LDB2: variants seen among roughly 807,000 people sequenced by gnomAD.
LDB2 encodes LIM domain binding 2, also known as LIM domain-binding protein 2.
LDB2 carries 12 observed loss-of-function variants against 44.3 expected under a neutral mutation model. That is an observed-to-expected ratio of 0.27 (90% confidence interval 0.17 to 0.44). LDB2 has a LOEUF of 0.44. Among genes scored for constraint, LDB2 ranks in the 20% least tolerant of loss-of-function variants. The pLI, the probability that LDB2 is intolerant of heterozygous loss-of-function variation, is 1.00. For missense variants in LDB2, 344 were observed against 473.5 expected, an observed-to-expected ratio of 0.73 and a Z score of 2.54; for synonymous variants, 164 against 174.8, an observed-to-expected ratio of 0.94 and a Z score of 0.49.
intron 1 of LDB2, among the ~76,000 whole-genome samples, chr4:16,790,861 A>G (rs1439341429): frequency 6.6e-6 from 1 of 152,202 alleles, no homozygotes; most frequent in Non-Finnish European, 1.5e-5. Context: ...AACCCAAAGC[A>G]ATGTGTGAAA....
At chr4:16,561,468 A>G (rs1222238999) in intron 5 of LDB2, among the ~76,000 whole-genome samples, 6 of 152,236 alleles carry the variant, frequency 3.9e-5, no homozygotes, top group Admixed American at 2.0e-4. Flanking sequence ...CCCATTCACA[A>G]TTGCCTCAAA....
At chr4:16,790,601 G>A (rs188640654) in intron 1 of LDB2, among the ~76,000 whole-genome samples, 1,784 of 152,184 alleles carry the variant, frequency 0.012, 42 homozygotes, top group African/African-American at 0.04. Flanking sequence ...CTAAGGATGC[G>A]TTTTTCAGAA....
intron 2 of LDB2, among the ~76,000 whole-genome samples, chr4:16,676,932 G>T (rs1330151278): frequency 2.0e-5 from 3 of 152,186 alleles, no homozygotes; most frequent in Admixed American, 1.3e-4. Flanking sequence ...GTGCCAGATG[G>T]TGAGGCCAGA....
At chr4:16,643,310 T>G (rs1463401859) in intron 2 of LDB2, among the ~76,000 whole-genome samples, 1 of 152,220 alleles carries the variant, frequency 6.6e-6, no homozygotes, top group Admixed American at 6.5e-5. Context: ...TAGCTGTATG[T>G]TCTTCAAAAA....
intron 1 of LDB2, among the ~76,000 whole-genome samples, chr4:16,810,153 C>T (rs903006299): frequency 6.6e-6 from 1 of 152,144 alleles, no homozygotes; most frequent in African/African-American, 2.4e-5. Context: ...TTCTTCCTTG[C>T]TGTCAAATGC....
At chr4:16,608,332 G>C (rs1173764703) in intron 2 of LDB2, among the ~76,000 whole-genome samples, 1 of 152,156 alleles carries the variant, frequency 6.6e-6, no homozygotes, top group Admixed American at 6.5e-5. Context: ...CATTCCTCGG[G>C]AGTCCACAGG....
chr4:16,547,230 GA>G (rs1736072725), intron 5 of LDB2, among the ~76,000 whole-genome samples: 2 of 152,176 alleles, frequency 1.3e-5, no homozygotes, highest in Admixed American at 1.3e-4. Context: ...ACAAGTTCAG[GA>G]GTGCCCTCAG....
At chr4:16,616,057 C>T (rs1182947476) in intron 2 of LDB2, among the ~76,000 whole-genome samples, 1 of 152,162 alleles carries the variant, frequency 6.6e-6, no homozygotes, top group Admixed American at 6.5e-5. Flanking sequence ...GCGAACTCTA[C>T]CCCCTTACCC....
intron 1 of LDB2, among the ~76,000 whole-genome samples, chr4:16,829,224 A>G (rs1237937678): frequency 2.0e-5 from 3 of 152,316 alleles, no homozygotes; most frequent in East Asian, 3.9e-4. Context: ...TACCCAGTCA[A>G]TCGGTGGTGA....
At chr4:16,709,128 T>G (rs1398408627) in intron 2 of LDB2, among the ~76,000 whole-genome samples, 1 of 152,170 alleles carries the variant, frequency 6.6e-6, no homozygotes, top group Non-Finnish European at 1.5e-5. Context: ...CTTTGCCCAG[T>G]GCCTAGCTCA....
chr4:16,715,284 G>A (rs572141937), intron 2 of LDB2, among the ~76,000 whole-genome samples: 161 of 152,232 alleles, frequency 1.1e-3, no homozygotes, highest in African/African-American at 3.6e-3. Flanking sequence ...CATACAAAGT[G>A]CCAACCTTAT....
At chr4:16,887,903 G>A (rs953747810) in intron 1 of LDB2, among the ~76,000 whole-genome samples, 1 of 151,820 alleles carries the variant, frequency 6.6e-6, no homozygotes, top group Non-Finnish European at 1.5e-5. Context: ...ATAGTGTAGT[G>A]CCCACTTGCA....
chr4:16,559,463 CAAAG>C (rs1355876309), intron 5 of LDB2, among the ~76,000 whole-genome samples: 3 of 152,190 alleles, frequency 2.0e-5, no homozygotes, highest in East Asian at 1.9e-4. Context: ...TCAAAAGAGA[CAAAG>C]AAGGCCATTA....
At chr4:16,790,697 G>A (rs1775525576) in intron 1 of LDB2, among the ~76,000 whole-genome samples, 1 of 152,194 alleles carries the variant, frequency 6.6e-6, no homozygotes, top group East Asian at 1.9e-4. Context: ...CGGGATGAAA[G>A]TGTCAGATGT....
At chr4:16,554,638 G>A (rs1234966517) in intron 5 of LDB2, among the ~76,000 whole-genome samples, 1 of 152,198 alleles carries the variant, frequency 6.6e-6, no homozygotes, top group Non-Finnish European at 1.5e-5. Context: ...CGGAGGAACT[G>A]TAAATGCATA....
At chr4:16,617,238 C>T (rs1727582446) in intron 2 of LDB2, among the ~76,000 whole-genome samples, 1 of 151,938 alleles carries the variant, frequency 6.6e-6, no homozygotes, top group Non-Finnish European at 1.5e-5. Context: ...GGGACAGGCA[C>T]TTTATAGAAA....
intron 2 of LDB2, among the ~76,000 whole-genome samples, chr4:16,721,491 A>G (rs754512127): frequency 2.0e-5 from 3 of 152,160 alleles, no homozygotes; most frequent in Non-Finnish European, 4.4e-5. Flanking sequence ...AGAATTATTA[A>G]TTAAACTGAG....
At chr4:16,542,770 C>T (rs1405299142) in intron 5 of LDB2, among the ~76,000 whole-genome samples, 1 of 151,590 alleles carries the variant, frequency 6.6e-6, no homozygotes, top group Non-Finnish European at 1.5e-5. Flanking sequence ...CTTGTGCCTT[C>T]GTTTTGTTTT....
At chr4:16,569,048 A>G (rs879577281) in intron 5 of LDB2, among the ~76,000 whole-genome samples, 2 of 152,252 alleles carry the variant, frequency 1.3e-5, no homozygotes, top group African/African-American at 2.4e-5. Context: ...GTTAATCAAC[A>G]TCATGTAGAC....
Sources: gnomAD v4.1 joint callset for allele counts (sites outside exome capture counted in the v4.1 genomes callset) on GRCh38, gnomAD v4.1.1 for gene constraint, MANE v1.5 for transcripts, NCBI Gene and HGNC (gene_info 2026-07-23, HGNC 2026-07-21) for gene names.